Variants in FAM216A observed in about 807,000 individuals in gnomAD.
FAM216A encodes the protein protein FAM216A.
In FAM216A, 26 loss-of-function variants were observed where a neutral mutation model predicts 37.6. The ratio of observed to expected loss-of-function variants is 0.69; its 90% confidence interval spans 0.51 to 0.96. The LOEUF is 0.96. Among genes scored for constraint, FAM216A ranks in the 40% least tolerant of loss-of-function variants. FAM216A has a pLI of 0.00. For synonymous variants in FAM216A, 110 were observed against 121.7 expected (o/e 0.90, Z 0.64); for missense variants, 326 against 339.3 (o/e 0.96, Z 0.31).
intron 2 of FAM216A, among the ~76,000 whole-genome samples, chr12:110,482,448 T>A (rs2062752593): frequency 6.6e-6 from 1 of 152,004 alleles, no homozygotes; most frequent in Admixed American, 6.6e-5. Flanking sequence ...ACTACCCAAA[T>A]GTCTATCAAC....
Position 110,486,580 on chromosome 12 carries a change from G to A in FAM216A, c.483G>A (p.Gln161=), listed in dbSNP as rs2062778052. Residue 161 remains glutamine, a synonymous_variant, in exon 5 of 7, where the codon CAG becomes CAA. Transcript: ENST00000377673. ...HRSRLSSRYS[Q]KQHYPCTTWR... ...GCCGCCTTAGCTCCCGTTACTCACA[G>A]AAACAGCATTACCCTTGCACTACAT... 1.2e-6 allele frequency: 2 copies of A among 1,614,092 alleles called. No individual in the cohort carries two copies. Among genetic ancestry groups the A allele is most frequent in the Non-Finnish European group, 8.5e-7 (1 of 1,179,998 alleles).
At chr12:110,471,465 T>A (rs1253722950) in intron 1 of FAM216A, among the ~76,000 whole-genome samples, 1 of 152,160 alleles carries the variant, frequency 6.6e-6, no homozygotes, top group South Asian at 2.1e-4. Context: ...TATAATATGA[T>A]GGGTTTTGAC....
At chr12:110,479,347 C>G (rs1236352835) in intron 2 of FAM216A, among the ~76,000 whole-genome samples, 1 of 151,964 alleles carries the variant, frequency 6.6e-6, no homozygotes, top group African/African-American at 2.4e-5. Flanking sequence ...ATATCTATTT[C>G]AATATTTCTA....
At chr12:110,483,500 TTC>T (rs1370116591) in intron 2 of FAM216A, among the ~76,000 whole-genome samples, 1 of 152,056 alleles carries the variant, frequency 6.6e-6, no homozygotes, top group Non-Finnish European at 1.5e-5. Flanking sequence ...TAAAAGGTTA[TTC>T]TTTTATGCTG....
chr12:110,484,486 A>G (rs974284995), intron 2 of FAM216A, among the ~76,000 whole-genome samples: 2 of 149,900 alleles, frequency 1.3e-5, no homozygotes, highest in Non-Finnish European at 3.0e-5. Flanking sequence ...ATAATAAAAT[A>G]TTACTGTAAA....
intron 3 of FAM216A, 83 bp downstream of exon 3, chr12:110,485,282 G>A: frequency 1.6e-6 from 2 of 1,258,422 alleles, no homozygotes; most frequent in Non-Finnish European, 2.2e-6. Flanking sequence ...CTGCTTAGAG[G>A]GTGAGATACT....
chr12:110,468,760 C>A, upstream of FAM216A: 1 of 1,479,246 alleles, frequency 6.8e-7, no homozygotes, highest in Admixed American at 2.2e-5. Flanking sequence ...GCCCGCCCCG[C>A]TCTCCCGAAG....
Position 110,487,881 on chromosome 12 carries a change from C to G in FAM216A, c.641C>G (p.Ser214Cys). ...NKEGIKTGYASKTRCKSLKIF... is the reference protein window; with the variant it reads ...NKEGIKTGYACKTRCKSLKIF... ...TATAGGATAAAAACTGGATATGCAT[C>G]TAAAACAAGATGTAAGTCACTGAAG... Residue 214 changes from serine (S) to cysteine (C), a missense_variant, in exon 6 of 7, where the codon TCT becomes TGT. Transcript: ENST00000377673. 1.2e-6 allele frequency: 2 copies of G among 1,604,578 alleles called. No homozygotes were observed. The highest frequency in any genetic ancestry group is 1.7e-4 in the Middle Eastern group (1 of 6,036).
chr12:110,486,396 G>A lies in FAM216A; in HGVS notation c.378G>A (p.Leu126=). 6.2e-7 allele frequency: 1 copy of A among 1,614,062 alleles called. No individual in the cohort carries two copies. Among genetic ancestry groups the A allele is most frequent in the Non-Finnish European group, 8.5e-7 (1 of 1,179,940 alleles). Residue 126 remains leucine (L), a synonymous_variant, in exon 4 of 7, where the codon CTG becomes CTA. Transcript: ENST00000377673. ...CTAAAATCTATAATGCAAACTATCTGAAGATGTTAATGAAGAGGCAGTACA... is the reference window on the plus strand; with the variant it reads ...CTAAAATCTATAATGCAAACTATCTAAAGATGTTAATGAAGAGGCAGTACA... The part of the protein sequence containing the change: ...SIAKIYNANY[L]KMLMKRQYMH...
In FAM216A at chr12:110,475,280, C is replaced by T. The variant is rs189680375; in HGVS notation, c.184+2162C>T. Among the ~76,000 whole-genome samples the T allele has an allele frequency of 2.2e-4, 33 of 152,280 alleles. No individual in the cohort carries two copies. In the East Asian group the frequency reaches 2.9e-3, roughly 13 times the overall value. ...TTTTTGAGACGGAGTCTCACTCTGT[C>T]GCCCAGGCTGGAGTGCAGTGGTGTA... On this transcript the variant is annotated intron_variant, in intron 2 of 6. Coordinates refer to ENST00000377673, the MANE Select transcript of FAM216A (RefSeq NM_013300.3).
chr12:110,469,060 C>T (rs893295078), intron 1 of FAM216A, 42 bp downstream of exon 1: 6 of 1,386,732 alleles, frequency 4.3e-6, no homozygotes, highest in Non-Finnish European at 5.6e-6. Context: ...AGCATGGGGC[C>T]CCCGGGTCGT....
intron 2 of FAM216A, among the ~76,000 whole-genome samples, chr12:110,477,445 C>T (rs1372752242): frequency 1.3e-5 from 2 of 151,850 alleles, no homozygotes; most frequent in African/African-American, 4.8e-5. Flanking sequence ...CTCCGCCTCC[C>T]GGGTTCACGC....
intron 6 of FAM216A, among the ~76,000 whole-genome samples, chr12:110,488,667 T>G (rs1227507099): frequency 3.3e-5 from 5 of 152,140 alleles, no homozygotes; most frequent in Admixed American, 2.6e-4. Context: ...TCTCTTATAG[T>G]AGGCCCTTCT....
In FAM216A at chr12:110,486,529, C is replaced by T. The variant is rs1470366480; in HGVS notation, c.437-5C>T. ...GGGTCTTTTAACAGGTGATTTGTAT[C>T]ACAGGTGTCCTCACTCATCACAGAA... On this transcript the variant is annotated splice_polypyrimidine_tract_variant and splice_region_variant and intron_variant, in intron 4 of 6. Transcript: ENST00000377673. 2 of 1,611,136 alleles carry T rather than the reference C, an allele frequency of 1.2e-6. No homozygotes were observed. Among genetic ancestry groups the T allele is most frequent in the South Asian group, 2.2e-5 (2 of 90,936 alleles).
At chr12:110,479,795 G>A (rs1248678160) in intron 2 of FAM216A, among the ~76,000 whole-genome samples, 3 of 151,212 alleles carry the variant, frequency 2.0e-5, no homozygotes, top group South Asian at 4.2e-4. Flanking sequence ...CAGAGATCGC[G>A]CCACTGCACT....
At chr12:110,477,362 ATTTAT>A (rs2062720045) in intron 2 of FAM216A, among the ~76,000 whole-genome samples, 1 of 151,982 alleles carries the variant, frequency 6.6e-6, no homozygotes, top group Non-Finnish European at 1.5e-5. Flanking sequence ...TTATTTATTT[ATTTAT>A]TTTGAGACGG....
intron 2 of FAM216A, among the ~76,000 whole-genome samples, chr12:110,476,687 C>G (rs764163779): frequency 1.3e-5 from 2 of 151,758 alleles, no homozygotes; most frequent in Non-Finnish European, 2.9e-5. Context: ...GCCACCATGC[C>G]TGGCTAATTT....
chr12:110,468,994 C>G lies in FAM216A; in HGVS notation c.119C>G (p.Ala40Gly). 1.3e-6 allele frequency: 2 copies of G among 1,495,392 alleles called. No homozygotes were observed. The allele number at this position is 1,495,392 out of a possible 1,614,324, so 92.6% of individuals were successfully genotyped here. ...RSSSAEPPAV[A>G]GTEGGGGGSA... ...TCTTCTGCAGAGCCGCCCGCTGTGG[C>G]CGGGACCGAGGGTGGCGGCGGCGGG... Residue 40 changes from alanine to glycine, a missense_variant, in exon 1 of 7, where the codon GCC (alanine) becomes GGC (glycine). Coordinates refer to ENST00000377673, the MANE Select transcript of FAM216A (RefSeq NM_013300.3).
intron 4 of FAM216A, 23 bp downstream of exon 4, chr12:110,486,477 T>C (rs769282431): frequency 6.2e-7 from 1 of 1,607,926 alleles, no homozygotes; most frequent in African/African-American, 1.3e-5. Flanking sequence ...CCAGTTGTCT[T>C]TTCACTAGTT....
Sources: gnomAD v4.1 joint callset for allele counts (sites outside exome capture counted in the v4.1 genomes callset) on GRCh38, gnomAD v4.1.1 for gene constraint, MANE v1.5 for transcripts, NCBI Gene and HGNC (gene_info 2026-07-23, HGNC 2026-07-21) for gene names.